Variants in IFNAR1 observed in about 807,000 individuals in gnomAD.
IFNAR1 encodes the protein interferon alpha and beta receptor subunit 1, also known as interferon alpha/beta receptor 1.
In IFNAR1, 47 loss-of-function variants were observed where a neutral mutation model predicts 62.1. That is an observed-to-expected ratio of 0.76 (90% confidence interval 0.60 to 0.97). The LOEUF is 0.97. Among genes scored for constraint, IFNAR1 ranks in the 50% least tolerant of loss-of-function variants. The pLI, the probability that IFNAR1 is intolerant of heterozygous loss-of-function variation, is 0.00. For missense variants in IFNAR1, 638 were observed against 654.5 expected, an observed-to-expected ratio of 0.97 and a Z score of 0.27; for synonymous variants, 219 against 226.9, an observed-to-expected ratio of 0.97 and a Z score of 0.31.
intron 9 of IFNAR1, 114 bp from the exon 10 acceptor site, chr21:33,353,524 T>C: frequency 1.7e-6 from 1 of 575,226 alleles, no homozygotes; most frequent in East Asian, 3.3e-5. Context: ...TTAAGAGTAT[T>C]ATTTAATAGA....
At position 33,328,353 on chromosome 21, in the gene IFNAR1, G is replaced by C. The variant is rs147165286; in HGVS notation, c.76+3222G>C. Among the ~76,000 whole-genome samples the C allele has an allele frequency of 4.7e-3, 710 of 152,312 alleles. 7 individuals carry two copies. Among genetic ancestry groups the C allele is most frequent in the African/African-American group, 0.016 (662 of 41,556 alleles). On this transcript the variant is annotated intron_variant, in intron 1 of 10. Coordinates refer to ENST00000270139, the MANE Select transcript of IFNAR1 (RefSeq NM_000629.3). ...GGTTAGCTTTTTCTGAATTCCAGAAGAGAGGAGGGTATAATGAGGCATATC... is the reference window on the plus strand; with the variant it reads ...GGTTAGCTTTTTCTGAATTCCAGAACAGAGGAGGGTATAATGAGGCATATC...
At chr21:33,328,669 G>T (rs1320217015) in intron 1 of IFNAR1, among the ~76,000 whole-genome samples, 1 of 152,086 alleles carries the variant, frequency 6.6e-6, no homozygotes, top group Non-Finnish European at 1.5e-5. Context: ...TAGGACTCTA[G>T]ATTAAGAAAA....
chr21:33,338,823 A>C (rs1386523632), intron 2 of IFNAR1, among the ~76,000 whole-genome samples: 1 of 149,530 alleles, frequency 6.7e-6, no homozygotes, highest in East Asian at 2.0e-4. Context: ...GCTCACCGCA[A>C]CCTCCGCCTC....
chr21:33,328,473 G>A (rs2083147397), intron 1 of IFNAR1, among the ~76,000 whole-genome samples: 1 of 152,088 alleles, frequency 6.6e-6, no homozygotes. Flanking sequence ...ATGGTTGGGG[G>A]ACTTAGAATT....
intron 9 of IFNAR1, 100 bp downstream of exon 9, chr21:33,353,008 C>A: frequency 5.6e-6 from 4 of 716,598 alleles, no homozygotes; most frequent in Admixed American, 3.3e-5. Context: ...CTCTTTACTG[C>A]AAAAAATATA....
rs1183790475 is a variant in IFNAR1 at position 33,349,513 on chromosome 21, TA to T, written c.1114del (p.Ile372PhefsTer25). 1.2e-6 allele frequency: 2 copies of T among 1,610,680 alleles called. No homozygotes were observed. The highest frequency in any genetic ancestry group is 1.1e-5 in the South Asian group (1 of 90,476). On this transcript the variant is annotated frameshift_variant, in exon 8 of 11. Coordinates refer to ENST00000270139, the MANE Select transcript of IFNAR1 (RefSeq NM_000629.3). LOFTEE classifies it high-confidence loss of function. ...IQDYPLIYEI[I>X]FWENTSNAER... ...AGGATTATCCACTGATTTATGAAAT[TA>T]TTTTTTGGGAAAACACTTCAAATGC...
At chr21:33,350,236 C>T (rs1430507634) in intron 8 of IFNAR1, among the ~76,000 whole-genome samples, 2 of 149,604 alleles carry the variant, frequency 1.3e-5, no homozygotes, top group Non-Finnish European at 3.0e-5. Context: ...TGGTTTCTGC[C>T]TACTAGATGC....
intron 2 of IFNAR1, among the ~76,000 whole-genome samples, chr21:33,337,732 CATTGTGTATACATACATATACACACTATA>C (rs1233449591): frequency 1.4e-5 from 2 of 148,136 alleles, no homozygotes; most frequent in Non-Finnish European, 3.1e-5. Flanking sequence ...CATATACACA[CATTGTGTATACATACATATACACACTATA>C]TATACATATA....
At chr21:33,348,005 G>A (rs767833325) in intron 6 of IFNAR1, among the ~76,000 whole-genome samples, 1 of 152,212 alleles carries the variant, frequency 6.6e-6, no homozygotes, top group Non-Finnish European at 1.5e-5. Context: ...GGTGCATGCG[G>A]CGACATGGTA....
intron 2 of IFNAR1, among the ~76,000 whole-genome samples, chr21:33,336,649 A>G (rs1202217720): frequency 6.6e-6 from 1 of 152,178 alleles, no homozygotes; most frequent in Non-Finnish European, 1.5e-5. Flanking sequence ...ATTGTACTCC[A>G]AAAGGTCCAT....
At chr21:33,336,597 A>G (rs1285725704) in intron 2 of IFNAR1, among the ~76,000 whole-genome samples, 3 of 152,200 alleles carry the variant, frequency 2.0e-5, no homozygotes, top group East Asian at 1.9e-4. Flanking sequence ...TTCTTTCAAT[A>G]TAAGTTGGGG....
chr21:33,345,193 A>G, intron 5 of IFNAR1, 53 bp from the exon 6 acceptor site: 1 of 834,308 alleles, frequency 1.2e-6, no homozygotes, highest in East Asian at 2.5e-5. Flanking sequence ...CTTGCCAGTT[A>G]TCTCACTTGA....
intron 1 of IFNAR1, among the ~76,000 whole-genome samples, chr21:33,326,740 T>G (rs576518255): frequency 1.3e-5 from 2 of 152,194 alleles, no homozygotes; most frequent in Non-Finnish European, 2.9e-5. Flanking sequence ...CCTCTGGGCT[T>G]AACTAACTTC....
At position 33,352,747 on chromosome 21, in the gene IFNAR1, A is replaced by G. The variant is rs759779740; in HGVS notation, c.1144-11A>G. On this transcript the variant is annotated splice_polypyrimidine_tract_variant and intron_variant, in intron 8 of 10. Coordinates refer to ENST00000270139, the MANE Select transcript of IFNAR1 (RefSeq NM_000629.3). Reference sequence around the variant, plus strand: ...ACTAAATTTTATCAGTGATTTAATTATATTTTCTAGAGAAAAATTATCGAG... The same window carrying G: ...ACTAAATTTTATCAGTGATTTAATTGTATTTTCTAGAGAAAAATTATCGAG... The G allele has an allele frequency of 3.5e-6, 5 of 1,413,908 alleles. No homozygotes were observed. In the Admixed American group the frequency reaches 9.9e-5, roughly 28 times the overall value. The allele number at this position is 1,413,908 out of a possible 1,614,324, so 87.6% of individuals were successfully genotyped here.
Position 33,328,045 on chromosome 21 carries a change from C to G in IFNAR1, c.76+2914C>G, listed in dbSNP as rs986986730. Among the ~76,000 whole-genome samples, 3 of 152,212 alleles carry G rather than the reference C, an allele frequency of 2.0e-5. No individual in the cohort carries two copies. The South Asian group carries it at 6.2e-4, about 31-fold the overall frequency. On this transcript the variant is annotated intron_variant, in intron 1 of 10. Transcript: ENST00000270139. ...ACTGGCCGCGTGCAGCCCATGATGG[C>G]TTTGAATGCAGTCCAACACAAATTC...
intron 1 of IFNAR1, among the ~76,000 whole-genome samples, chr21:33,332,947 A>G (rs984815407): frequency 6.6e-6 from 1 of 152,248 alleles, no homozygotes; most frequent in Non-Finnish European, 1.5e-5. Context: ...TAATGAAATA[A>G]TAGCTGAAAA....
rs1452774007 is a variant in IFNAR1 at position 33,349,231 on chromosome 21, C to A, written c.929C>A (p.Ser310Tyr). The change falls in exon 7 of 11, where the codon TCT becomes TAT. Residue 310 changes from serine (S) to tyrosine (Y), a missense_variant. Transcript: ENST00000270139. The stretch of plus-strand genomic sequence containing the variant: ...ATTTACCTTCTCCGCGTACAAGCAT[C>A]TGATGGAAATAACACATCTTTTTGG... Reference protein sequence around the residue: ...KGIYLLRVQASDGNNTSFWSE... With the variant: ...KGIYLLRVQAYDGNNTSFWSE... The A allele has an allele frequency of 1.2e-6, 2 of 1,613,436 alleles. No homozygotes were observed. The highest frequency in any genetic ancestry group is 1.7e-6 in the Non-Finnish European group (2 of 1,179,576).
rs1360732011 is a variant in IFNAR1 at position 33,349,552 on chromosome 21, A to C, written c.1143+9A>C. 1 of 1,554,066 alleles carries C rather than the reference A, an allele frequency of 6.4e-7. No individual in the cohort carries two copies. Among genetic ancestry groups the C allele is most frequent in the Non-Finnish European group, 8.8e-7 (1 of 1,135,162 alleles). ...ACACTTCAAATGCTGAGGTAAAAAG[A>C]CTGTATAGTATAATTTTGTAACTTA... On this transcript the variant is annotated intron_variant, in intron 8 of 10. Coordinates refer to ENST00000270139, the MANE Select transcript of IFNAR1 (RefSeq NM_000629.3).
chr21:33,354,467 T>C (rs1307640313), intron 10 of IFNAR1, among the ~76,000 whole-genome samples: 1 of 152,370 alleles, frequency 6.6e-6, no homozygotes, highest in South Asian at 2.1e-4. Context: ...CATCTGTATA[T>C]ATCCAGAAGA....
Sources: gnomAD v4.1 joint callset for allele counts (sites outside exome capture counted in the v4.1 genomes callset) on GRCh38, gnomAD v4.1.1 for gene constraint, MANE v1.5 for transcripts, NCBI Gene and HGNC (gene_info 2026-07-23, HGNC 2026-07-21) for gene names.